TAP1: variants seen among roughly 807,000 people sequenced by gnomAD.
The protein encoded by TAP1 is transporter 1, ATP binding cassette subfamily B member, also known as antigen peptide transporter 1.
Under a neutral mutation model 79.3 loss-of-function variants are expected in TAP1, and 56 were observed. The ratio of observed to expected loss-of-function variants is 0.71; its 90% CI spans 0.57 to 0.88. TAP1 has a LOEUF of 0.88. TAP1 is among the 40% of genes least tolerant of loss of function. TAP1 has a pLI of 0.00. For missense variants in TAP1, 737 were observed against 936.3 expected (o/e 0.79, Z 2.78); for synonymous variants, 355 against 401.4 (o/e 0.88, Z 1.38).
At chr6:32,849,976 CAA>C in intron 5 of TAP1, 1 of 411,778 alleles carries the variant, frequency 2.4e-6, no homozygotes, top group South Asian at 2.4e-5. Flanking sequence ...AACAAATCTA[CAA>C]GGTACCAGCA....
In TAP1 at chr6:32,847,488, G is replaced by A; in HGVS notation, c.1903+25C>T. 6.2e-7 allele frequency: 1 copy of A among 1,613,006 alleles called. No homozygotes were observed. Among genetic ancestry groups the A allele is most frequent in the Non-Finnish European group, 8.5e-7 (1 of 1,180,020 alleles). On this transcript the variant is annotated intron_variant, in intron 9 of 10. Transcript: ENST00000354258. This position sits in a 1 kb window ranked among gnomAD's most constrained non-coding sequence, Gnocchi z 4.7. The stretch of plus-strand genomic sequence containing the variant: ...TTTCAGCAAAGGTAAAGATGGCTGG[G>A]TGGTGAGATGAGTGGAGAGAGTACC...
Position 32,850,252 on chromosome 6 carries a change from A to T in TAP1, c.1248+68T>A. The T allele has an allele frequency of 6.5e-7, 1 of 1,533,776 alleles. No homozygotes were observed. Among genetic ancestry groups the T allele is most frequent in the South Asian group, 1.1e-5 (1 of 89,528 alleles). On this transcript the variant is annotated intron_variant, in intron 5 of 10. Transcript: ENST00000354258. The surrounding 1 kb of genome is among the most constrained non-coding windows in gnomAD (Gnocchi z 5.5). ...GTAAAGGAGGAGTGGGAGCAGGGTC[A>T]TAGGAATGGGAATGGAGTCACGGCA... is the stretch of plus-strand genomic sequence containing the variant.
Position 32,852,021 on chromosome 6 carries a change from G to C in TAP1, c.844+88C>G. 6.4e-7 allele frequency: 1 copy of C among 1,562,666 alleles called. No individual in the cohort carries two copies. The highest frequency in any genetic ancestry group is 8.8e-7 in the Non-Finnish European group (1 of 1,138,440). ...ACAATGTGTGTATGTGTGTGTGAGA[G>C]AGAGAGAGCGGGGAGGGGGGAGATC... On this transcript the variant is annotated intron_variant, in intron 3 of 10. Transcript: ENST00000354258. The surrounding 1 kb of genome is among the most constrained non-coding windows in gnomAD (Gnocchi z 4.8).
chr6:32,845,230 T>C lies in TAP1; in HGVS notation c.*349A>G. ...ACAGTACAAAACACCAATTTTATTA[T>C]AAATATCAAGAACCTACAGGGTGTT... On this transcript the variant is annotated 3_prime_UTR_variant, in exon 11 of 11. Coordinates refer to ENST00000354258, the MANE Select transcript of TAP1 (RefSeq NM_000593.6). The surrounding 1 kb of genome is among the most constrained non-coding windows in gnomAD (Gnocchi z 4.5). The C allele has an allele frequency of 2.5e-6, 1 of 399,300 alleles. No individual in the cohort carries two copies. 24.7% of individuals were successfully genotyped at this position (399,300 alleles called of 1,614,324 possible).
intron 5 of TAP1, chr6:32,849,353 AT>A: frequency 1.7e-6 from 1 of 605,300 alleles, no homozygotes; most frequent in Non-Finnish European, 2.9e-6. Context: ...TCTGGGGAGC[AT>A]TTTACTCTTC....
rs1318409530 is a variant in TAP1 at position 32,845,613 on chromosome 6, G to A, written c.2213C>T (p.Ala738Val). Residue 738 changes from alanine (A) to valine (V), a missense_variant, in exon 11 of 11, where the codon GCC becomes GTC. By Grantham distance (64) the Ala-to-Val change is moderately conservative. Around this residue, in one of 5 missense-constraint regions of TAP1, gnomAD observed 266 missense variants for 332.4 expected, o/e 0.80. Transcript: ENST00000354258. The surrounding 1 kb of genome is among the most constrained non-coding windows in gnomAD (Gnocchi z 4.5). Reference protein sequence around the residue: ...QLMEKKGCYWAMVQAPADAPE With the variant: ...QLMEKKGCYWVMVQAPADAPE The stretch of plus-strand genomic sequence containing the variant: ...AGCATCTGCAGGAGCCTGCACCATG[G>A]CCCAGTAGCACCCCTTTTTCTCCAT... 1.2e-5 allele frequency: 20 copies of A among 1,612,952 alleles called. No homozygotes were observed. Among genetic ancestry groups the A allele is most frequent in the Non-Finnish European group, 1.7e-5 (20 of 1,180,044 alleles).
At position 32,853,588 on chromosome 6, in the gene TAP1, C is replaced by T. The variant is rs57640466; in HGVS notation, c.49G>A (p.Gly17Arg). 2 of 1,612,552 alleles carry T rather than the reference C, an allele frequency of 1.2e-6. No homozygotes were observed. The highest frequency in any genetic ancestry group is 1.7e-6 in the Non-Finnish European group (2 of 1,179,750). Reference protein sequence around the residue: ...PAPRGCRCLPGASLAWLGTVL... With the variant: ...PAPRGCRCLPRASLAWLGTVL... ...GTCCCCAGCCATGCGAGAGAAGCTCCGGGGAGGCAGCGGCACCCGCGGGGA... is the reference window on the plus strand; with the variant it reads ...GTCCCCAGCCATGCGAGAGAAGCTCTGGGGAGGCAGCGGCACCCGCGGGGA... The change falls in exon 1 of 11, where the codon GGA (glycine) becomes AGA (arginine). Residue 17 changes from glycine (G) to arginine (R), a missense_variant. Around this residue, in one of 5 missense-constraint regions of TAP1, gnomAD observed 45 missense variants for 60.2 expected, o/e 0.75. Coordinates refer to ENST00000354258, the MANE Select transcript of TAP1 (RefSeq NM_000593.6). This position sits in a 1 kb window ranked among gnomAD's most constrained non-coding sequence, Gnocchi z 8.3.
In TAP1 at chr6:32,851,250, T is replaced by C. The variant is rs940813537; in HGVS notation, c.845-101A>G. On this transcript the variant is annotated intron_variant, in intron 3 of 10. Transcript: ENST00000354258. The surrounding 1 kb of genome is among the most constrained non-coding windows in gnomAD (Gnocchi z 4.8). ...GATGCCAGGGTCAGGGGTGTCAACATGGGGTTCTAAGGAGGCTGCAGGAAA... is the reference window on the plus strand; with the variant it reads ...GATGCCAGGGTCAGGGGTGTCAACACGGGGTTCTAAGGAGGCTGCAGGAAA... 9.3e-6 allele frequency: 11 copies of C among 1,185,532 alleles called. No homozygotes were observed. The East Asian group carries it at 2.5e-4, about 27-fold the overall frequency. The allele number at this position is 1,185,532 out of a possible 1,614,324, so 73.4% of individuals were successfully genotyped here.
chr6:32,848,183 C>A, intron 7 of TAP1, 91 bp from the exon 8 acceptor site: 1 of 1,492,254 alleles, frequency 6.7e-7, no homozygotes, highest in Non-Finnish European at 9.1e-7. Flanking sequence ...ATGTCTTACC[C>A]CAGAAGAAAA....
chr6:32,846,816 TA>T (rs577698177), intron 10 of TAP1, among the ~76,000 whole-genome samples: 236 of 143,740 alleles, frequency 1.6e-3, no homozygotes, highest in Admixed American at 1.5e-3. Flanking sequence ...GACACTGTCT[TA>T]AAAAAAAAAA....
At position 32,847,942 on chromosome 6, in the gene TAP1, C is replaced by G. The variant is rs1770539424; in HGVS notation, c.1717G>C (p.Glu573Gln). 5 of 1,612,982 alleles carry G rather than the reference C, an allele frequency of 3.1e-6. No individual in the cohort carries two copies. Among genetic ancestry groups the G allele is most frequent in the African/African-American group, 1.3e-5 (1 of 74,938 alleles). ...LLDGKPLPQY[E>Q]HRYLHRQVAA... ...ACCTGCCTGTGCAGGTAGCGGTGCTCATATTGGGGAAGGGGCTTCCCATCC... is the reference window on the plus strand; with the variant it reads ...ACCTGCCTGTGCAGGTAGCGGTGCTGATATTGGGGAAGGGGCTTCCCATCC... The change falls in exon 8 of 11, where the codon GAG becomes CAG. Residue 573 changes from glutamate (E) to glutamine (Q), a missense_variant. Glu to Gln is a conservative substitution (Grantham distance 29, BLOSUM62 2). This residue lies in a region of TAP1 where 266 missense variants were observed against 332.4 expected (regional missense o/e 0.80). Transcript: ENST00000354258. This position sits in a 1 kb window ranked among gnomAD's most constrained non-coding sequence, Gnocchi z 4.7.
At position 32,847,702 on chromosome 6, in the gene TAP1, T is replaced by C. The variant is rs150129181; in HGVS notation, c.1741-27A>G. The stretch of plus-strand genomic sequence containing the variant: ...TGAGATGAAATATGATGAAGAGTCA[T>C]AGAACAAGGCACATGGGAGTATGGT... On this transcript the variant is annotated intron_variant, in intron 8 of 10. Transcript: ENST00000354258. The surrounding 1 kb of genome is among the most constrained non-coding windows in gnomAD (Gnocchi z 4.7). 2.3e-4 allele frequency: 368 copies of C among 1,612,698 alleles called. 3 individuals are homozygous for C. The African/African-American group carries it at 4.4e-3, about 19-fold the overall frequency.
chr6:32,849,551 C>T (rs1217877379), intron 5 of TAP1: 2 of 220,992 alleles, frequency 9.1e-6, no homozygotes, highest in African/African-American at 4.7e-5. Flanking sequence ...ACCATCCTGG[C>T]TAACACGGAG....
Position 32,848,051 on chromosome 6 carries a change from C to A in TAP1, c.1608G>T (p.Leu536=). ...FTLRPGEVTA[L]VGPNGSGKST... The stretch of plus-strand genomic sequence containing the variant: ...TCTTCCCAGACCCATTGGGTCCCAC[C>A]AGCGCCGTCACCTCGCCAGGGCGTA... The change falls in exon 8 of 11, where the codon CTG becomes CTT. Residue 536 remains leucine (L), a synonymous_variant. Coordinates refer to ENST00000354258, the MANE Select transcript of TAP1 (RefSeq NM_000593.6). 3 of 1,612,890 alleles carry A rather than the reference C, an allele frequency of 1.9e-6. No homozygotes were observed. The highest frequency in any genetic ancestry group is 2.2e-5 in the East Asian group (1 of 44,874).
Position 32,852,782 on chromosome 6 carries a change from C to CA in TAP1, c.598+256dup. 6.9e-7 allele frequency: 1 copy of CA among 1,441,510 alleles called. No individual in the cohort carries two copies. The highest frequency in any genetic ancestry group is 2.5e-5 in the East Asian group (1 of 40,254). 89.3% of individuals were successfully genotyped at this position (1,441,510 alleles called of 1,614,324 possible). A position where few individuals can be genotyped will look rare whatever the true frequency, so the allele number is the denominator to read the frequency against. On this transcript the variant is annotated intron_variant, in intron 1 of 10. Coordinates refer to ENST00000354258, the MANE Select transcript of TAP1 (RefSeq NM_000593.6). The surrounding 1 kb of genome is among the most constrained non-coding windows in gnomAD (Gnocchi z 4.8). ...ATGAGGATGCCCCGCCCTTCGGCCCCAGAGCAAAGGATTTCCCCGCTTCCG... is the reference window on the plus strand; with the variant it reads ...ATGAGGATGCCCCGCCCTTCGGCCCCAAGAGCAAAGGATTTCCCCGCTTCCG...
In TAP1 at chr6:32,848,793, T is replaced by C. The variant is rs1316119478; in HGVS notation, c.1425A>G (p.Ser475=). Residue 475 remains serine, a synonymous_variant, in exon 7 of 11, where the codon TCA becomes TCG. Coordinates refer to ENST00000354258, the MANE Select transcript of TAP1 (RefSeq NM_000593.6). ...GGTCCAGGTACTCAAATATTTTCTC[T>C]GAGGAGCCCACAGCCTTCTGTACTC... is the stretch of plus-strand genomic sequence containing the variant. The part of the protein sequence containing the change: ...YPRVQKAVGS[S]EKIFEYLDRT... 2 of 1,614,080 alleles carry C rather than the reference T, an allele frequency of 1.2e-6. No individual in the cohort carries two copies. Among genetic ancestry groups the C allele is most frequent in the Non-Finnish European group, 1.7e-6 (2 of 1,180,018 alleles).
Position 32,853,262 on chromosome 6 carries a change from C to A in TAP1, c.375G>T (p.Ala125=), listed in dbSNP as rs1291712125. Residue 125 remains alanine, a synonymous_variant, in exon 1 of 11, where the codon GCG becomes GCT. Transcript: ENST00000354258. This position sits in a 1 kb window ranked among gnomAD's most constrained non-coding sequence, Gnocchi z 8.3. ...ELISWGAPGS[A]DSTRLLHWGS... ...CCCAGTGCAGTAGCCTGGTGCTATC[C>A]GCGGACCCGGGGGCTCCCCATGAGA... 6.3e-7 allele frequency: 1 copy of A among 1,595,140 alleles called. No homozygotes were observed. Among genetic ancestry groups the A allele is most frequent in the Non-Finnish European group, 8.5e-7 (1 of 1,170,448 alleles).
chr6:32,847,146 G>A lies in TAP1; in HGVS notation c.1962C>T (p.Ala654=), dbSNP rs749236282. Reference sequence around the variant, plus strand: ...CACACGGTTTCCGGATCAATGCTCGGGCCAACGCCACTGCCTGTCGCTGAC... The same window carrying A: ...CACACGGTTTCCGGATCAATGCTCGAGCCAACGCCACTGCCTGTCGCTGAC... The part of the protein sequence containing the change: ...SGGQRQAVAL[A]RALIRKPCVL... The change falls in exon 10 of 11, where the codon GCC becomes GCT. Residue 654 remains alanine (A), a synonymous_variant. Transcript: ENST00000354258. This position sits in a 1 kb window ranked among gnomAD's most constrained non-coding sequence, Gnocchi z 4.7. 28 of 1,612,708 alleles carry A rather than the reference G, an allele frequency of 1.7e-5. 1 individual carries two copies. In the South Asian group the frequency reaches 3.1e-4, roughly 18 times the overall value.
At position 32,853,420 on chromosome 6, in the gene TAP1, A is replaced by C. The variant is rs775068892; in HGVS notation, c.217T>G (p.Cys73Gly). 3.1e-6 allele frequency: 5 copies of C among 1,611,338 alleles called. No individual in the cohort carries two copies. The Admixed American group carries it at 8.4e-5, about 27-fold the overall frequency. ...CCAACCGTTGCCCTGAGGACCCCGC[A>C]GGCCCCCAGCCAGAGCACGGCCCAG... ...SRWAVLWLGA[C>G]GVLRATVGSK... The change falls in exon 1 of 11, where the codon TGC (cysteine) becomes GGC (glycine). Residue 73 changes from cysteine to glycine, a missense_variant. Coordinates refer to ENST00000354258, the MANE Select transcript of TAP1 (RefSeq NM_000593.6). This position sits in a 1 kb window ranked among gnomAD's most constrained non-coding sequence, Gnocchi z 8.3.
Sources: allele counts gnomAD v4.1 joint callset (sites outside exome capture counted in the v4.1 genomes callset), GRCh38; gene constraint gnomAD v4.1.1; regional missense constraint gnomAD v4.1.1; non-coding constraint Gnocchi (gnomAD v3.1); transcripts MANE v1.5; gene names NCBI Gene and HGNC (gene_info 2026-07-23, HGNC 2026-07-21).